ZNF704: variants seen among roughly 807,000 people sequenced by gnomAD.
ZNF704 encodes the protein glucocorticoid induced gene 1.
ZNF704 carries 10 observed loss-of-function variants against 44.7 expected under a neutral mutation model. The ratio of observed to expected loss-of-function variants is 0.22; its 90% confidence interval spans 0.14 to 0.38. ZNF704 has a LOEUF of 0.38. ZNF704 is among the 10% of genes least tolerant of loss of function. ZNF704 has a pLI of 1.00. For synonymous variants in ZNF704, 211 were observed against 207.6 expected (o/e 1.02, Z -0.14); for missense variants, 390 against 545.5 (o/e 0.71, Z 2.84).
intron 7 of ZNF704, chr8:80,644,999 C>T: frequency 8.4e-7 from 1 of 1,192,374 alleles, no homozygotes; most frequent in Non-Finnish European, 1.3e-6. Flanking sequence ...GTTCATGGAT[C>T]ATATAATGGA....
At chr8:80,739,850 A>T (rs1806727186) in intron 2 of ZNF704, among the ~76,000 whole-genome samples, 1 of 152,172 alleles carries the variant, frequency 6.6e-6, no homozygotes, top group Non-Finnish European at 1.5e-5. Flanking sequence ...CCTTATGTCA[A>T]GGGAATCACT....
intron 2 of ZNF704, among the ~76,000 whole-genome samples, chr8:80,818,115 T>C (rs1013808070): frequency 1.3e-5 from 2 of 152,188 alleles, no homozygotes; most frequent in Non-Finnish European, 1.5e-5. Context: ...TTGAAATACA[T>C]GTATTGCTTT....
At chr8:80,709,451 A>T (rs1563526915) in intron 2 of ZNF704, among the ~76,000 whole-genome samples, 1 of 146,550 alleles carries the variant, frequency 6.8e-6, no homozygotes, top group African/African-American at 2.5e-5. Flanking sequence ...TCAAAAAAAA[A>T]AAAAAAAAAA....
chr8:80,667,838 C>T (rs1270591798), intron 5 of ZNF704, among the ~76,000 whole-genome samples: 1 of 152,134 alleles, frequency 6.6e-6, no homozygotes, highest in Non-Finnish European at 1.5e-5. Flanking sequence ...ATATAGCCCC[C>T]GTTCCTCAGT....
chr8:80,684,694 C>T (rs1027774615), intron 4 of ZNF704, among the ~76,000 whole-genome samples: 2 of 152,182 alleles, frequency 1.3e-5, no homozygotes, highest in Admixed American at 1.3e-4. Flanking sequence ...TCTGTCACAT[C>T]ACGAACACAG....
intron 6 of ZNF704, among the ~76,000 whole-genome samples, chr8:80,664,592 T>C (rs913287286): frequency 1.3e-5 from 2 of 152,126 alleles, no homozygotes; most frequent in African/African-American, 4.8e-5. Flanking sequence ...ATCATAACAA[T>C]CTCTACGGGA....
intron 2 of ZNF704, among the ~76,000 whole-genome samples, chr8:80,761,704 C>G (rs1345051989): frequency 1.3e-5 from 2 of 152,130 alleles, no homozygotes; most frequent in Non-Finnish European, 2.9e-5. Flanking sequence ...AACTAATATA[C>G]AGATATTTGT....
chr8:80,827,489 A>G (rs1264732807), intron 1 of ZNF704, among the ~76,000 whole-genome samples: 1 of 152,220 alleles, frequency 6.6e-6, no homozygotes, highest in African/African-American at 2.4e-5. Flanking sequence ...GAAAATGGCC[A>G]TACTGCCCAA....
At chr8:80,652,101 A>G (rs943758653) in intron 7 of ZNF704, among the ~76,000 whole-genome samples, 1 of 152,238 alleles carries the variant, frequency 6.6e-6, no homozygotes, top group Non-Finnish European at 1.5e-5. Context: ...CAGAAATAAA[A>G]ATGTTCTTTG....
In ZNF704 at chr8:80,838,469, G is replaced by A. The variant is rs544228309; in HGVS notation, c.-21-16854C>T. Among the ~76,000 whole-genome samples the A allele has an allele frequency of 2.0e-5, 3 of 152,270 alleles. No homozygotes were observed. The East Asian group carries it at 5.8e-4, about 29-fold the overall frequency. ...TGATGTCAGTTAGTGGTGCTGGCTG[G>A]TGGTGATGAAGAAGCACAGACTGAG... On this transcript the variant is annotated intron_variant, in intron 1 of 8. Coordinates refer to ENST00000327835, the MANE Select transcript of ZNF704 (RefSeq NM_001033723.3).
At chr8:80,748,856 C>T (rs796525483) in intron 2 of ZNF704, among the ~76,000 whole-genome samples, 1 of 152,318 alleles carries the variant, frequency 6.6e-6, no homozygotes, top group African/African-American at 2.4e-5. Context: ...CTCTGAGAGA[C>T]ATGGTCAGGC....
chr8:80,690,953 G>T (rs1280145358), intron 3 of ZNF704, among the ~76,000 whole-genome samples: 1 of 151,870 alleles, frequency 6.6e-6, no homozygotes, highest in African/African-American at 2.4e-5. Flanking sequence ...CAGTTGCAGT[G>T]AGCCAAGATA....
chr8:80,681,829 A>G (rs1818458148), intron 4 of ZNF704, among the ~76,000 whole-genome samples: 1 of 152,156 alleles, frequency 6.6e-6, no homozygotes, highest in Admixed American at 6.5e-5. Flanking sequence ...GGGCTAGAAG[A>G]TTTCCAAAGT....
At chr8:80,712,912 T>G (rs1048288150) in intron 2 of ZNF704, among the ~76,000 whole-genome samples, 1 of 152,058 alleles carries the variant, frequency 6.6e-6, no homozygotes, top group African/African-American at 2.4e-5. Flanking sequence ...TTTGGTTTTT[T>G]GAGACAGAAT....
rs549032377 is a variant in ZNF704 at position 80,750,242 on chromosome 8, T to C, written c.222-57135A>G. On this transcript the variant is annotated intron_variant, in intron 2 of 8. Transcript: ENST00000327835. ...CTTGTGTGCAATTGGGGGCCAGCTA[T>C]GATTTCTCACTCTGACTCGGAGGGG... Among the ~76,000 whole-genome samples, 95 of 152,118 alleles carry C rather than the reference T, an allele frequency of 6.2e-4. 2 individuals carry two copies. The South Asian group carries it at 0.011, about 17-fold the overall frequency.
intron 2 of ZNF704, among the ~76,000 whole-genome samples, chr8:80,819,818 TA>T (rs1249233437): frequency 6.6e-6 from 1 of 152,128 alleles, no homozygotes; most frequent in African/African-American, 2.4e-5. Context: ...TAAAGAAAAC[TA>T]AGAGGCCTAT....
Position 80,641,470 on chromosome 8 carries a change from T to TG in ZNF704, c.1134dup (p.Arg379GlnfsTer66). 6.2e-7 allele frequency: 1 copy of TG among 1,608,950 alleles called. No individual in the cohort carries two copies. Among genetic ancestry groups the TG allele is most frequent in the Non-Finnish European group, 8.5e-7 (1 of 1,177,092 alleles). Reference sequence around the variant, plus strand: ...TTCCGACACTTTTTGCCCTCTCCCCTGGGCTTCCTGTAAGACAGACGAGGA... The same window carrying TG: ...TTCCGACACTTTTTGCCCTCTCCCCTGGGGCTTCCTGTAAGACAGACGAGGA... On this transcript the variant is annotated frameshift_variant, in exon 9 of 9. Transcript: ENST00000327835. LOFTEE classifies it high-confidence loss of function.
chr8:80,838,484 C>T (rs1808618727), intron 1 of ZNF704, among the ~76,000 whole-genome samples: 1 of 151,896 alleles, frequency 6.6e-6, no homozygotes, highest in African/African-American at 2.4e-5. Flanking sequence ...GATGAAGAAG[C>T]ACAGACTGAG....
chr8:80,730,198 G>A (rs1048639711), intron 2 of ZNF704, among the ~76,000 whole-genome samples: 3 of 152,080 alleles, frequency 2.0e-5, no homozygotes, highest in South Asian at 2.1e-4. Flanking sequence ...GAAGAAACAC[G>A]TGTGTCCAGA....
Sources: gnomAD v4.1 joint callset for allele counts (sites outside exome capture counted in the v4.1 genomes callset) on GRCh38, gnomAD v4.1.1 for gene constraint, MANE v1.5 for transcripts, NCBI Gene and HGNC (gene_info 2026-07-23, HGNC 2026-07-21) for gene names.